PIK3CB: variants seen among roughly 807,000 people sequenced by gnomAD.
The protein encoded by PIK3CB is phosphatidylinositol 4,5-bisphosphate 3-kinase catalytic subunit beta isoform.
PIK3CB carries 39 observed loss-of-function variants against 136.8 expected under a neutral mutation model. The ratio of observed to expected loss-of-function variants is 0.29; its 90% CI spans 0.22 to 0.37. The LOEUF (loss-of-function observed/expected upper bound fraction) is 0.37. Among genes scored for constraint, PIK3CB ranks in the 10% least tolerant of loss-of-function variants. The pLI is 1.00. For synonymous variants in PIK3CB, 428 were observed against 436.6 expected (o/e 0.98, Z 0.25); for missense variants, 868 against 1,275.4 (o/e 0.68, Z 4.87).
chr3:138,797,911 C>A (rs978548426), intron 1 of PIK3CB, among the ~76,000 whole-genome samples: 5 of 151,944 alleles, frequency 3.3e-5, no homozygotes, highest in African/African-American at 1.2e-4. Context: ...CAAGATCACA[C>A]CACTGCACTC....
intron 2 of PIK3CB, among the ~76,000 whole-genome samples, chr3:138,777,359 C>T (rs2045870381): frequency 6.6e-6 from 1 of 152,176 alleles, no homozygotes; most frequent in South Asian, 2.1e-4. Flanking sequence ...CTTAAGACAC[C>T]TGCTTGTGAG....
At chr3:138,693,983 T>C (rs2044079875) in intron 14 of PIK3CB, among the ~76,000 whole-genome samples, 1 of 100,702 alleles carries the variant, frequency 9.9e-6, no homozygotes, top group Non-Finnish European at 2.0e-5. Flanking sequence ...TATATATATA[T>C]ATATATATAT....
chr3:138,751,350 C>T (rs189335319), intron 4 of PIK3CB, among the ~76,000 whole-genome samples: 105 of 151,476 alleles, frequency 6.9e-4, no homozygotes, highest in African/African-American at 2.5e-3. Flanking sequence ...CCCAGCTACT[C>T]GGGAGGCTGA....
intron 2 of PIK3CB, chr3:138,778,409 G>A: frequency 3.3e-6 from 1 of 303,814 alleles, no homozygotes; most frequent in Non-Finnish European, 6.5e-6. Context: ...GGGAAACTGT[G>A]GTGCAATGGC....
At chr3:138,665,341 A>G (rs2043386130) in intron 19 of PIK3CB, 138 bp from the exon 20 acceptor site, 1 of 546,244 alleles carries the variant, frequency 1.8e-6, no homozygotes, top group African/African-American at 1.9e-5. Context: ...TGTCATATGG[A>G]AAAACACAAG....
intron 2 of PIK3CB, among the ~76,000 whole-genome samples, chr3:138,785,825 TAAAA>T (rs1039124528): frequency 8.5e-6 from 1 of 117,220 alleles, no homozygotes; most frequent in Middle Eastern, 4.3e-3. Flanking sequence ...AATAAATACT[TAAAA>T]AAAAAAAAAA....
chr3:138,666,996 T>C (rs1334976246), intron 19 of PIK3CB, among the ~76,000 whole-genome samples: 2 of 151,920 alleles, frequency 1.3e-5, no homozygotes, highest in African/African-American at 4.8e-5. Flanking sequence ...GGTCAGGAGA[T>C]CACGACCAGG....
At chr3:138,731,173 G>T (rs1460591728) in intron 8 of PIK3CB, among the ~76,000 whole-genome samples, 1 of 152,056 alleles carries the variant, frequency 6.6e-6, no homozygotes, top group Non-Finnish European at 1.5e-5. Flanking sequence ...CATTCACAAA[G>T]CTTGTTAACT....
intron 5 of PIK3CB, among the ~76,000 whole-genome samples, chr3:138,741,518 A>T (rs1436459545): frequency 6.6e-6 from 1 of 152,206 alleles, no homozygotes; most frequent in Non-Finnish European, 1.5e-5. Flanking sequence ...ATTCACAGTA[A>T]TTCAAGAACA....
chr3:138,753,067 A>G (rs570743122), intron 4 of PIK3CB, among the ~76,000 whole-genome samples: 2 of 152,136 alleles, frequency 1.3e-5, no homozygotes, highest in Non-Finnish European at 2.9e-5. Context: ...TACAAAAAAA[A>G]AGAAAAAATT....
intron 1 of PIK3CB, among the ~76,000 whole-genome samples, chr3:138,830,590 A>T (rs1268646660): frequency 6.6e-6 from 1 of 151,836 alleles, no homozygotes; most frequent in Non-Finnish European, 1.5e-5. Flanking sequence ...AAAAGGAACA[A>T]GTCCAAGAGA....
At chr3:138,721,952 ATAAC>A (rs1377404264) in intron 8 of PIK3CB, among the ~76,000 whole-genome samples, 10 of 152,144 alleles carry the variant, frequency 6.6e-5, no homozygotes, top group Admixed American at 3.3e-4. Flanking sequence ...AAACTCATAA[ATAAC>A]TAGTTTGTTT....
rs1559828634 is a variant in PIK3CB at position 138,705,174 on chromosome 3, CAAAAAACAAAACAAACAAAAAAAAA to C, written c.1531-706_1531-682del. 4.0e-4 allele frequency among the ~76,000 whole-genome samples: 23 copies of C among 57,062 alleles called. 1 individual carries two copies. Among genetic ancestry groups the C allele is most frequent in the African/African-American group, 1.9e-3 (22 of 11,748 alleles). 37.4% of individuals were successfully genotyped at this position (57,062 alleles called of 152,430 possible). ...GAAAGGCAAAAAAAAAAAAAAAAAA[CAAAAAACAAAACAAACAAAAAAAAA>C]AACTTATATTTGCAAATATAGGAGG... is the stretch of plus-strand genomic sequence containing the variant. On this transcript the variant is annotated intron_variant, in intron 11 of 23. Transcript: ENST00000674063.
At chr3:138,785,466 G>C (rs562938347) in intron 2 of PIK3CB, among the ~76,000 whole-genome samples, 2 of 152,186 alleles carry the variant, frequency 1.3e-5, no homozygotes, top group Non-Finnish European at 2.9e-5. Context: ...ATTTTGTTCT[G>C]TACTAAGAAA....
intron 6 of PIK3CB, among the ~76,000 whole-genome samples, chr3:138,737,047 T>A (rs2045122247): frequency 6.6e-6 from 1 of 152,088 alleles, no homozygotes; most frequent in Non-Finnish European, 1.5e-5. Flanking sequence ...GTTAAAAAAA[T>A]TCATAATGAT....
intron 8 of PIK3CB, among the ~76,000 whole-genome samples, chr3:138,715,040 G>A (rs1005323891): frequency 2.4e-4 from 36 of 152,114 alleles, no homozygotes; most frequent in Admixed American, 1.8e-3. Context: ...TAAAGAAACC[G>A]TGACAGTAAG....
At chr3:138,786,756 A>T (rs2045985854) in intron 2 of PIK3CB, among the ~76,000 whole-genome samples, 1 of 152,218 alleles carries the variant, frequency 6.6e-6, no homozygotes. Flanking sequence ...ACATGTGACT[A>T]TTTAACATGG....
At chr3:138,763,764 T>C (rs1023030480) in intron 2 of PIK3CB, among the ~76,000 whole-genome samples, 2 of 152,170 alleles carry the variant, frequency 1.3e-5, no homozygotes, top group African/African-American at 4.8e-5. Context: ...TGCCAAGATA[T>C]AAAATTCTAA....
chr3:138,672,424 T>C (rs1253945827), intron 19 of PIK3CB, among the ~76,000 whole-genome samples: 8 of 152,028 alleles, frequency 5.3e-5, no homozygotes, highest in Non-Finnish European at 1.2e-4. Context: ...TGGCAACAGC[T>C]CAAACAAAAT....
Sources: gnomAD v4.1 joint callset for allele counts (sites outside exome capture counted in the v4.1 genomes callset) on GRCh38, gnomAD v4.1.1 for gene constraint, MANE v1.5 for transcripts, NCBI Gene and HGNC (gene_info 2026-07-23, HGNC 2026-07-21) for gene names.